The following PCDHA3 variants were observed in gnomAD, a reference collection of about 807,000 sequenced individuals.
PCDHA3 encodes protocadherin alpha 3, also known as protocadherin alpha-3.
A neutral mutation model predicts 62.2 loss-of-function variants in PCDHA3; 41 were observed. The ratio of observed to expected loss-of-function variants is 0.66; its 90% CI spans 0.51 to 0.86. The LOEUF (loss-of-function observed/expected upper bound fraction) is 0.86, where lower values mean the gene tolerates loss of function less well. Among genes scored for constraint, PCDHA3 ranks in the 40% least tolerant of loss-of-function variants. The pLI is 0.00. For synonymous variants in PCDHA3, 640 were observed against 555.4 expected (o/e 1.15, Z -2.14); for missense variants, 1,304 against 1,241.2 (o/e 1.05, Z -0.76).
chr5:140,838,659 G>T (rs2150291095), intron 1 of PCDHA3, among the ~76,000 whole-genome samples: 1 of 152,070 alleles, frequency 6.6e-6, no homozygotes, highest in South Asian at 2.1e-4. Context: ...TAGTTAACGG[G>T]GCATGGTGGC....
At chr5:140,891,681 C>T (rs1021117286) in intron 1 of PCDHA3, among the ~76,000 whole-genome samples, 1 of 152,150 alleles carries the variant, frequency 6.6e-6, no homozygotes, top group African/African-American at 2.4e-5. Flanking sequence ...TAATAATTCT[C>T]TCTTCTTGCT....
intron 1 of PCDHA3, chr5:140,834,765 G>T: frequency 1.2e-6 from 2 of 1,614,098 alleles, no homozygotes; most frequent in African/African-American, 1.3e-5. Context: ...GGACATTAAC[G>T]ACAACCCTCC....
At chr5:140,877,205 G>A in intron 1 of PCDHA3, 1 of 1,613,824 alleles carries the variant, frequency 6.2e-7, no homozygotes, top group South Asian at 1.1e-5. Flanking sequence ...GGCGCAGTTA[G>A]CGAGTTGGTA....
At chr5:140,991,757 C>T (rs1554252410) in intron 3 of PCDHA3, among the ~76,000 whole-genome samples, 1 of 152,160 alleles carries the variant, frequency 6.6e-6, no homozygotes, top group African/African-American at 2.4e-5. Context: ...CTATCATGCT[C>T]TTCAAAATTC....
At chr5:140,919,166 GT>G (rs1382267419) in intron 1 of PCDHA3, among the ~76,000 whole-genome samples, 15 of 152,114 alleles carry the variant, frequency 9.9e-5, no homozygotes, top group Admixed American at 9.8e-4. Context: ...TATGTTTTTA[GT>G]TGCTATATCT....
At chr5:140,938,041 G>T (rs2091894997) in intron 1 of PCDHA3, among the ~76,000 whole-genome samples, 1 of 151,764 alleles carries the variant, frequency 6.6e-6, no homozygotes, top group African/African-American at 2.4e-5. Flanking sequence ...TTTATATTTT[G>T]GGTTTTCTAC....
intron 1 of PCDHA3, chr5:140,869,060 T>C (rs1490534322): frequency 2.6e-6 from 4 of 1,556,804 alleles, no homozygotes; most frequent in East Asian, 2.2e-5. Context: ...AATCTGGTAC[T>C]GTAAGTGTAA....
Position 140,802,805 on chromosome 5 carries a change from T to A in PCDHA3, c.1608T>A (p.Ser536Arg). The A allele has an allele frequency of 2.5e-6, 4 of 1,613,318 alleles. No individual in the cohort carries two copies. The highest frequency in any genetic ancestry group is 3.4e-6 in the Non-Finnish European group (4 of 1,179,870). ...TAGAGCTGCTGCAGTTCCAGGTGAG[T>A]GCGCGCGATGCGGGCGTGCCGCCTC... ...EELELLQFQVSARDAGVPPLG... is the reference protein window; with the variant it reads ...EELELLQFQVRARDAGVPPLG... The change falls in exon 1 of 4, where the codon AGT (serine) becomes AGA (arginine). Residue 536 changes from serine (S) to arginine (R), a missense_variant. Coordinates refer to ENST00000522353, the MANE Select transcript of PCDHA3 (RefSeq NM_018906.3).
At chr5:140,916,367 C>T (rs1400347792) in intron 1 of PCDHA3, among the ~76,000 whole-genome samples, 2 of 152,196 alleles carry the variant, frequency 1.3e-5, no homozygotes, top group Non-Finnish European at 1.5e-5. Context: ...GAGTCTTTCA[C>T]TGTAGCCACC....
Position 140,871,165 on chromosome 5 carries a change from C to A in PCDHA3, c.2394+67574C>A, listed in dbSNP as rs1044550712. 1.4e-5 allele frequency: 22 copies of A among 1,613,372 alleles called. No individual in the cohort carries two copies. Among genetic ancestry groups the A allele is most frequent in the Non-Finnish European group, 1.7e-5 (20 of 1,179,938 alleles). On this transcript the variant is annotated intron_variant, in intron 1 of 3. Transcript: ENST00000522353. ...CCGGACTTTGGCGGGCGCCGCGAGCCCAGAGGCTGCGCTGGTGGATGTCAA... is the reference window on the plus strand; with the variant it reads ...CCGGACTTTGGCGGGCGCCGCGAGCACAGAGGCTGCGCTGGTGGATGTCAA...
chr5:140,948,912 C>A (rs1038670333), intron 1 of PCDHA3, among the ~76,000 whole-genome samples: 1 of 150,924 alleles, frequency 6.6e-6, no homozygotes, highest in Non-Finnish European at 1.5e-5. Context: ...TCTTAGGTAA[C>A]TGATTAGGTA....
intron 1 of PCDHA3, chr5:140,869,313 A>T: frequency 6.2e-7 from 1 of 1,613,736 alleles, no homozygotes. Context: ...CGTCCAAAAC[A>T]CATGGGGACC....
At chr5:140,849,960 C>G in intron 1 of PCDHA3, 1 of 1,597,926 alleles carries the variant, frequency 6.3e-7, no homozygotes, top group Non-Finnish European at 8.6e-7. Context: ...GGAGAACGCC[C>G]TGGTGTCCTA....
At chr5:140,894,808 A>G (rs541905033) in intron 1 of PCDHA3, among the ~76,000 whole-genome samples, 2 of 152,096 alleles carry the variant, frequency 1.3e-5, no homozygotes, top group African/African-American at 4.8e-5. Flanking sequence ...AAATAATTTT[A>G]TATCAGATTT....
At chr5:140,850,964 C>T in intron 1 of PCDHA3, 2 of 1,468,876 alleles carry the variant, frequency 1.4e-6, no homozygotes, top group Non-Finnish European at 1.8e-6. Flanking sequence ...TCCCAGGGGC[C>T]GTTCAAATAG....
Position 140,985,739 on chromosome 5 carries a change from C to CTT in PCDHA3, c.2542+3195_2542+3196dup, listed in dbSNP as rs11372071. 6.5e-3 allele frequency among the ~76,000 whole-genome samples: 761 copies of CTT among 117,902 alleles called. 21 individuals carry two copies. The highest frequency in any genetic ancestry group is 0.054 in the East Asian group (218 of 4,012). The allele number at this position is 117,902 out of a possible 152,430, so 77.3% of individuals were successfully genotyped here. On this transcript the variant is annotated intron_variant, in intron 3 of 3. Transcript: ENST00000522353. ...TTATTTTTCCTTCACTGATGAATTC[C>CTT]TTTTTTTTTTTTTTTTTTTTGAGAC...
intron 1 of PCDHA3, chr5:140,830,416 C>A: frequency 1.9e-6 from 3 of 1,614,014 alleles, no homozygotes; most frequent in Non-Finnish European, 1.7e-6. Flanking sequence ...TTAGCCCCAG[C>A]CTTTCACCTT....
At chr5:140,853,708 A>G (rs535294888) in intron 1 of PCDHA3, 3 of 986,248 alleles carry the variant, frequency 3.0e-6, no homozygotes, top group South Asian at 9.5e-5. Flanking sequence ...ACGCATTAGC[A>G]TTAGCAGCAC....
At position 140,822,272 on chromosome 5, in the gene PCDHA3, A is replaced by C; in HGVS notation, c.2394+18681A>C. ...GATTTGGATATTGGAGCAAATGCACAATTGAGATACAGGTTAAATCCAAAC... is the reference window on the plus strand; with the variant it reads ...GATTTGGATATTGGAGCAAATGCACCATTGAGATACAGGTTAAATCCAAAC... On this transcript the variant is annotated intron_variant, in intron 1 of 3. Coordinates refer to ENST00000522353, the MANE Select transcript of PCDHA3 (RefSeq NM_018906.3). The C allele has an allele frequency of 6.2e-7, 1 of 1,614,244 alleles. No individual in the cohort carries two copies. The highest frequency in any genetic ancestry group is 1.7e-5 in the Admixed American group (1 of 60,036).
Sources: allele counts gnomAD v4.1 joint callset (sites outside exome capture counted in the v4.1 genomes callset), GRCh38; gene constraint gnomAD v4.1.1; transcripts MANE v1.5; gene names NCBI Gene and HGNC (gene_info 2026-07-23, HGNC 2026-07-21).